The following EZH2 variants were observed in gnomAD, a reference collection of about 807,000 sequenced individuals.
EZH2 encodes histone-lysine N-methyltransferase EZH2.
In EZH2, 18 loss-of-function variants were observed where a neutral mutation model predicts 98.4. The observed-to-expected ratio is 0.18, with a 90% confidence interval of 0.13 to 0.27. The LOEUF (loss-of-function observed/expected upper bound fraction) is 0.27, where lower values mean the gene tolerates loss of function less well. EZH2 is among the 10% of genes least tolerant of loss of function. The pLI is 1.00. For synonymous variants in EZH2, 338 were observed against 312.3 expected, an observed-to-expected ratio of 1.08 and a Z score of -0.87; for missense variants, 470 against 935.1, an observed-to-expected ratio of 0.50 and a Z score of 6.49.
chr7:148,877,505 C>T (rs1820337389), intron 1 of EZH2, among the ~76,000 whole-genome samples: 1 of 152,174 alleles, frequency 6.6e-6, no homozygotes, highest in African/African-American at 2.4e-5. Flanking sequence ...AAGGATTTCA[C>T]ATGTATCAAT....
At chr7:148,839,447 A>G (rs967234502) in intron 3 of EZH2, among the ~76,000 whole-genome samples, 50 of 151,816 alleles carry the variant, frequency 3.3e-4, no homozygotes, top group African/African-American at 1.1e-3. Context: ...AAGTGAAGAA[A>G]GACTTTTGGA....
chr7:148,831,227 G>T (rs1277394867), intron 4 of EZH2, among the ~76,000 whole-genome samples: 2 of 152,118 alleles, frequency 1.3e-5, no homozygotes. Context: ...ACAAGGAAAA[G>T]AAAAAGTGGG....
intron 1 of EZH2, among the ~76,000 whole-genome samples, chr7:148,850,175 C>G (rs1303882395): frequency 6.6e-6 from 1 of 152,036 alleles, no homozygotes; most frequent in Non-Finnish European, 1.5e-5. Flanking sequence ...CCCGCCACCA[C>G]GCCAGGCTAA....
At chr7:148,837,767 A>G (rs1411229571) in intron 3 of EZH2, among the ~76,000 whole-genome samples, 1 of 152,262 alleles carries the variant, frequency 6.6e-6, no homozygotes, top group Admixed American at 6.5e-5. Flanking sequence ...AAAAAACCCC[A>G]TTAAGATATT....
At chr7:148,837,529 A>G (rs1195064023) in intron 3 of EZH2, among the ~76,000 whole-genome samples, 1 of 152,228 alleles carries the variant, frequency 6.6e-6, no homozygotes. Flanking sequence ...TCTGGTGAAA[A>G]TGACCGTGTA....
chr7:148,849,668 C>T (rs559844696), intron 1 of EZH2, among the ~76,000 whole-genome samples: 52 of 152,262 alleles, frequency 3.4e-4, no homozygotes, highest in Middle Eastern at 3.4e-3. Context: ...GTTAGGAAGG[C>T]AGTGAGGTAG....
chr7:148,871,098 A>AAGGAT, intron 1 of EZH2, among the ~76,000 whole-genome samples: 1 of 152,286 alleles, frequency 6.6e-6, no homozygotes, highest in South Asian at 2.1e-4. Flanking sequence ...AATAAACATG[A>AAGGAT]AGGATACTCA....
rs149903844 is a variant in EZH2, at chr7:148,822,540, G to C, written c.908-2853C>G. Among the ~76,000 whole-genome samples, 893 of 150,990 alleles carry C rather than the reference G, an allele frequency of 5.9e-3. 5 individuals are homozygous for C. Among genetic ancestry groups the C allele is most frequent in the South Asian group, 0.015 (70 of 4,770 alleles). On this transcript the variant is annotated intron_variant, in intron 8 of 19. Coordinates refer to ENST00000320356, the MANE Select transcript of EZH2 (RefSeq NM_004456.5). ...AAAAAAAGTTTAAACTTTGCTTATG[G>C]GACTTTTACCAAATAAACTTGAAAA...
chr7:148,817,920 A>C lies in EZH2; in HGVS notation c.1197T>G (p.Asp399Glu). The part of the protein sequence containing the change: ...AGTETGGENN[D>E]KEEEEKKDET... ...CATCTTTCTTCTCTTCTTCTTCTTT[A>C]TCATTGTTCTCTCCCCCCGTTTCAG... The change falls in exon 10 of 20, where the codon GAT (aspartate) becomes GAG (glutamate). Residue 399 changes from aspartate (D) to glutamate (E), a missense_variant. Physicochemically the swap from Asp to Glu is conservative, Grantham distance 45. Transcript: ENST00000320356. 6.2e-7 allele frequency: 1 copy of C among 1,614,124 alleles called. No individual in the cohort carries two copies. Among genetic ancestry groups the C allele is most frequent in the South Asian group, 1.1e-5 (1 of 91,064 alleles).
chr7:148,809,385 C>T lies in EZH2; in HGVS notation c.2035G>A (p.Val679Met), dbSNP rs1321951994. ...TTACCCTTGCGGGTTGCATCCACCA[C>T]AAAATCTAAAAAGAAAAAAGTAAGC... ...SFLFNLNNDF[V>M]VDATRKGNKI... The change falls in exon 18 of 20, where the codon GTG becomes ATG. Residue 679 changes from valine to methionine, a missense_variant. Coordinates refer to ENST00000320356, the MANE Select transcript of EZH2 (RefSeq NM_004456.5). 1 of 1,597,372 alleles carries T rather than the reference C, an allele frequency of 6.3e-7. No individual in the cohort carries two copies. Among genetic ancestry groups the T allele is most frequent in the Non-Finnish European group, 8.6e-7 (1 of 1,166,034 alleles).
At chr7:148,877,978 G>A (rs1189896755) in intron 1 of EZH2, among the ~76,000 whole-genome samples, 2 of 152,024 alleles carry the variant, frequency 1.3e-5, no homozygotes, top group African/African-American at 4.8e-5. Flanking sequence ...ATAATCCTGG[G>A]CAAATTCTTA....
chr7:148,857,654 G>A (rs1336985428), intron 1 of EZH2, among the ~76,000 whole-genome samples: 2 of 152,194 alleles, frequency 1.3e-5, no homozygotes, highest in Admixed American at 1.3e-4. Context: ...GGGAGGCTAA[G>A]GCAGGAGAAT....
Position 148,832,454 on chromosome 7 carries a change from A to T in EZH2, c.363+180T>A, listed in dbSNP as rs568647700. 2.0e-5 allele frequency among the ~76,000 whole-genome samples: 3 copies of T among 152,358 alleles called. No homozygotes were observed. In the South Asian group the frequency reaches 6.2e-4, roughly 32 times the overall value. ...CCTTTGGAGAGTATAGGAAAAGAGT[A>T]ATACTGCACAGGCCTTAAAAAAACT... On this transcript the variant is annotated intron_variant, in intron 4 of 19. Coordinates refer to ENST00000320356, the MANE Select transcript of EZH2 (RefSeq NM_004456.5).
rs2129469089 is a variant in EZH2, at chr7:148,811,721, C to T, written c.1852-1G>A. The T allele has an allele frequency of 6.2e-7, 1 of 1,610,634 alleles. No individual in the cohort carries two copies. The highest frequency in any genetic ancestry group is 8.5e-7 in the Non-Finnish European group (1 of 1,179,552). ...CGTCAGATGGTGCCAGCAATAGATG[C>T]TAGAGAATAAAACACAATCACATCA... On this transcript the variant is annotated splice_acceptor_variant, in intron 15 of 19. Transcript: ENST00000320356. LOFTEE classifies it high-confidence loss of function.
chr7:148,869,244 A>G lies in EZH2; in HGVS notation c.-8+14920T>C, dbSNP rs145079406. ...TACCATCACCTGTGATGGTAATCAA[A>G]CTCTCCAAAGAAATAGTTTGACCTG... is the stretch of plus-strand genomic sequence containing the variant. On this transcript the variant is annotated intron_variant, in intron 1 of 19. Transcript: ENST00000320356. Among the ~76,000 whole-genome samples the G allele has an allele frequency of 5.2e-4, 79 of 151,998 alleles. No individual in the cohort carries two copies. In the East Asian group the frequency reaches 0.012, roughly 22 times the overall value.
chr7:148,816,869 C>A, intron 11 of EZH2, 91 bp from the exon 12 acceptor site: 1 of 910,956 alleles, frequency 1.1e-6, no homozygotes, highest in South Asian at 1.4e-5. Flanking sequence ...ATGTCTTTGT[C>A]TCTTCTGTGA....
At chr7:148,819,805 C>T (rs1406940488) in intron 8 of EZH2, 118 bp from the exon 9 acceptor site, 3 of 825,990 alleles carry the variant, frequency 3.6e-6, no homozygotes, top group Non-Finnish European at 5.7e-6. Flanking sequence ...ATGTGGTTTA[C>T]GTTACTTCAT....
chr7:148,840,793 A>C (rs1812234831), intron 3 of EZH2, among the ~76,000 whole-genome samples: 1 of 152,142 alleles, frequency 6.6e-6, no homozygotes. Context: ...TATAAAGCTA[A>C]ATTATGGCAA....
At chr7:148,813,398 C>A (rs1440501629) in intron 15 of EZH2, among the ~76,000 whole-genome samples, 2 of 151,024 alleles carry the variant, frequency 1.3e-5, no homozygotes, top group Non-Finnish European at 2.9e-5. Flanking sequence ...TCAATCATTA[C>A]TTCCTGGCTG....
Sources: gnomAD v4.1 joint callset for allele counts (sites outside exome capture counted in the v4.1 genomes callset) on GRCh38, gnomAD v4.1.1 for gene constraint, MANE v1.5 for transcripts, NCBI Gene and HGNC (gene_info 2026-07-23, HGNC 2026-07-21) for gene names.